Variants in XRN2 observed in about 807,000 individuals in gnomAD.
XRN2 encodes DHM1-like protein.
A neutral mutation model predicts 138.5 loss-of-function variants in XRN2; 44 were observed. That is an observed-to-expected ratio of 0.32 (90% confidence interval 0.25 to 0.41). XRN2 has a LOEUF of 0.41. Ranked by LOEUF, XRN2 falls within the 10% of genes least tolerant of loss-of-function variation. The probability of loss-of-function intolerance (pLI) is 1.00; values close to 1 mark genes in which losing one functional copy is unlikely to be tolerated. For missense variants in XRN2, 937 were observed against 1,169.3 expected (o/e 0.80, Z 2.90); for synonymous variants, 354 against 369.4 (o/e 0.96, Z 0.48).
intron 1 of XRN2, among the ~76,000 whole-genome samples, chr20:21,313,613 T>C (rs773585249): frequency 6.6e-6 from 1 of 152,254 alleles, no homozygotes; most frequent in Non-Finnish European, 1.5e-5. Flanking sequence ...TTCAGAATTT[T>C]ATTTGGTAAA....
intron 9 of XRN2, 33 bp downstream of exon 9, chr20:21,332,473 A>G (rs1027900667): frequency 1.1e-5 from 17 of 1,532,320 alleles, no homozygotes; most frequent in Non-Finnish European, 1.5e-5. Flanking sequence ...TGCCTCATTA[A>G]AAAAAAAAAT....
At chr20:21,320,751 C>T (rs368598825) in intron 1 of XRN2, among the ~76,000 whole-genome samples, 34 of 152,280 alleles carry the variant, frequency 2.2e-4, no homozygotes, top group African/African-American at 8.2e-4. Context: ...TGCACCACCA[C>T]ACCTGGCTAA....
Position 21,348,325 on chromosome 20 carries a change from T to C in XRN2, c.1774-16T>C, listed in dbSNP as rs1246419520. ...AGATAATAATCTTGGGTCTTTAATGTTTTTTCTTTTTTCAGTTTAAACCAC... is the reference window on the plus strand; with the variant it reads ...AGATAATAATCTTGGGTCTTTAATGCTTTTTCTTTTTTCAGTTTAAACCAC... On this transcript the variant is annotated splice_polypyrimidine_tract_variant and intron_variant, in intron 18 of 29. Coordinates refer to ENST00000377191, the MANE Select transcript of XRN2 (RefSeq NM_012255.5). 9 of 1,612,644 alleles carry C rather than the reference T, an allele frequency of 5.6e-6. No individual in the cohort carries two copies. Among genetic ancestry groups the C allele is most frequent in the African/African-American group, 1.3e-5 (1 of 74,744 alleles).
intron 21 of XRN2, 46 bp downstream of exon 21, chr20:21,354,918 C>A: frequency 2.1e-6 from 3 of 1,441,282 alleles, no homozygotes; most frequent in Non-Finnish European, 9.5e-7. Flanking sequence ...GTAATATACA[C>A]TTTATATTTC....
At chr20:21,327,012 G>A (rs1015174744) in intron 3 of XRN2, among the ~76,000 whole-genome samples, 1 of 152,158 alleles carries the variant, frequency 6.6e-6, no homozygotes, top group African/African-American at 2.4e-5. Context: ...TAACAATGAA[G>A]AATAATTGGG....
rs761497246 is a variant in XRN2, at chr20:21,357,737, A to G, written c.2200A>G (p.Ile734Val). ...GTTTCTTCTCTTGTTTCCTTCTAGAATAGTATGTTCTCCTGTTCCTATGTT... is the reference window on the plus strand; with the variant it reads ...GTTTCTTCTCTTGTTTCCTTCTAGAGTAGTATGTTCTCCTGTTCCTATGTT... ...LDEEAILPDQ[I>V]VCSPVPMLRD... The change falls in exon 24 of 30, where the codon ATA (isoleucine) becomes GTA (valine). Residue 734 changes from isoleucine (I) to valine (V), a missense_variant and splice_region_variant. By Grantham distance (29) the Ile-to-Val change is conservative. This residue lies in a region of XRN2 where 372 missense variants were observed against 414.4 expected (regional missense o/e 0.90). Coordinates refer to ENST00000377191, the MANE Select transcript of XRN2 (RefSeq NM_012255.5). 6.3e-7 allele frequency: 1 copy of G among 1,592,710 alleles called. No homozygotes were observed. Among genetic ancestry groups the G allele is most frequent in the Non-Finnish European group, 8.5e-7 (1 of 1,170,456 alleles).
chr20:21,331,587 T>C lies in XRN2; in HGVS notation c.603T>C (p.Pro201=). The change falls in exon 7 of 30, where the codon CCT becomes CCC. Residue 201 remains proline (P), a synonymous_variant. Transcript: ENST00000377191. ...TTATTTTATCTGATGCTAGTGCTCC[T>C]GGTGAAGGAGAACATAAAATCATGG... ...LTVILSDASA[P]GEGEHKIMDY... is the part of the protein sequence containing the mutation. The C allele has an allele frequency of 6.2e-7, 1 of 1,612,584 alleles. No individual in the cohort carries two copies. Among genetic ancestry groups the C allele is most frequent in the South Asian group, 1.1e-5 (1 of 90,782 alleles).
In XRN2 at chr20:21,370,850, A is replaced by G. The variant is rs908145837; in HGVS notation, c.2584+2260A>G. Among the ~76,000 whole-genome samples the G allele has an allele frequency of 2.6e-5, 4 of 152,206 alleles. No individual in the cohort carries two copies. In the South Asian group the frequency reaches 8.3e-4, roughly 32 times the overall value. ...CTCCATTGTTATGCCCATTTATCAA[A>G]GAATTGTAAGTCATGTGCCAGTGTT... On this transcript the variant is annotated intron_variant, in intron 27 of 29. Coordinates refer to ENST00000377191, the MANE Select transcript of XRN2 (RefSeq NM_012255.5).
At chr20:21,353,678 C>CACCTACT (rs1359597064) in intron 20 of XRN2, among the ~76,000 whole-genome samples, 5 of 151,548 alleles carry the variant, frequency 3.3e-5, no homozygotes, top group African/African-American at 1.2e-4. Context: ...GCCTGTAGTC[C>CACCTACT]CAGCTACTCA....
chr20:21,357,708 A>G (rs780019391), intron 23 of XRN2, 28 bp from the exon 24 acceptor site: 4 of 1,563,202 alleles, frequency 2.6e-6, no homozygotes, highest in Non-Finnish European at 8.7e-7. Context: ...GTTTACAGAG[A>G]GATGTTTCTT....
chr20:21,387,981 G>GT (rs954018448), intron 29 of XRN2, among the ~76,000 whole-genome samples: 22 of 152,120 alleles, frequency 1.4e-4, no homozygotes, highest in Non-Finnish European at 2.5e-4. Context: ...ATTTGAATCA[G>GT]TTTATCGAAT....
At chr20:21,359,397 A>G (rs376272971) in intron 24 of XRN2, among the ~76,000 whole-genome samples, 1 of 152,048 alleles carries the variant, frequency 6.6e-6, no homozygotes, top group Admixed American at 6.6e-5. Flanking sequence ...TTAGCTGGGC[A>G]TGGTGGTGCA....
intron 3 of XRN2, among the ~76,000 whole-genome samples, chr20:21,326,928 G>A (rs1421254320): frequency 6.6e-6 from 1 of 152,188 alleles, no homozygotes; most frequent in Non-Finnish European, 1.5e-5. Flanking sequence ...CATGCAGGGT[G>A]TTGAGGGAAG....
At chr20:21,303,517 C>G in intron 1 of XRN2, 44 bp downstream of exon 1, 1 of 1,532,206 alleles carries the variant, frequency 6.5e-7, no homozygotes, top group Non-Finnish European at 8.8e-7. Flanking sequence ...CCCGGGCCCC[C>G]GGCACGTCTA....
intron 1 of XRN2, among the ~76,000 whole-genome samples, chr20:21,305,342 C>T (rs1299996414): frequency 3.3e-5 from 5 of 152,120 alleles, no homozygotes; most frequent in African/African-American, 1.2e-4. Flanking sequence ...ACTACAACCT[C>T]TGGCCTCCTG....
At chr20:21,381,958 A>G in intron 27 of XRN2, 36 bp from the exon 28 acceptor site, 1 of 1,564,482 alleles carries the variant, frequency 6.4e-7, no homozygotes, top group South Asian at 1.2e-5. Context: ...GGTTACTTTT[A>G]AAAATCTTCT....
At chr20:21,327,012 G>T (rs1015174744) in intron 3 of XRN2, among the ~76,000 whole-genome samples, 2 of 152,158 alleles carry the variant, frequency 1.3e-5, no homozygotes, top group Non-Finnish European at 2.9e-5. Context: ...TAACAATGAA[G>T]AATAATTGGG....
intron 15 of XRN2, among the ~76,000 whole-genome samples, chr20:21,343,195 T>C (rs2038393737): frequency 6.6e-6 from 1 of 152,170 alleles, no homozygotes; most frequent in African/African-American, 2.4e-5. Flanking sequence ...AAAACTTGAC[T>C]GTGGAAATGT....
At chr20:21,381,948 G>C in intron 27 of XRN2, 46 bp from the exon 28 acceptor site, 1 of 1,508,960 alleles carries the variant, frequency 6.6e-7, no homozygotes. Flanking sequence ...GTTGAATATT[G>C]GTTACTTTTA....
Sources: gnomAD v4.1 joint callset for allele counts (sites outside exome capture counted in the v4.1 genomes callset) on GRCh38, gnomAD v4.1.1 for gene constraint, gnomAD v4.1.1 regional missense constraint, MANE v1.5 for transcripts, NCBI Gene and HGNC (gene_info 2026-07-23, HGNC 2026-07-21) for gene names.